Variants in PDZD2 observed in about 807,000 individuals in gnomAD.
The protein encoded by PDZD2 is PDZ domain-containing protein 2.
A neutral mutation model predicts 220.7 loss-of-function variants in PDZD2; 90 were observed. The ratio of observed to expected loss-of-function variants is 0.41; its 90% confidence interval spans 0.34 to 0.49. The LOEUF (loss-of-function observed/expected upper bound fraction) is 0.49, where lower values mean the gene tolerates loss of function less well. PDZD2 is among the 20% of genes least tolerant of loss of function. PDZD2 has a pLI of 0.28. For missense variants in PDZD2, 3,174 were observed against 3,608.5 expected, an observed-to-expected ratio of 0.88 and a Z score of 3.08; for synonymous variants, 1,375 against 1,450.5, an observed-to-expected ratio of 0.95 and a Z score of 1.18.
At chr5:31,686,366 C>CT (rs544635682) in intron 1 of PDZD2, among the ~76,000 whole-genome samples, 19 of 149,074 alleles carry the variant, frequency 1.3e-4, no homozygotes, top group East Asian at 7.9e-4. Context: ...AAAAAGTTTT[C>CT]TTTTTTTTTT....
chr5:31,932,750 A>G (rs1266644808), intron 2 of PDZD2, among the ~76,000 whole-genome samples: 3 of 152,090 alleles, frequency 2.0e-5, no homozygotes, highest in African/African-American at 7.2e-5. Context: ...TGGATCCATT[A>G]AGCAGTAACT....
chr5:31,864,806 G>A (rs1019854779), intron 2 of PDZD2, among the ~76,000 whole-genome samples: 7 of 145,046 alleles, frequency 4.8e-5, no homozygotes, highest in Middle Eastern at 4.3e-3. Context: ...GAGCCACAGT[G>A]CCCAGTCGAA....
In PDZD2 at chr5:32,088,252, T is replaced by C; in HGVS notation, c.4804T>C (p.Cys1602Arg). Residue 1602 changes from cysteine (C) to arginine (R), a missense_variant, in exon 20 of 25, where the codon TGT becomes CGT. Coordinates refer to ENST00000438447, the MANE Select transcript of PDZD2 (RefSeq NM_178140.4). This position sits in a 1 kb window ranked among gnomAD's most constrained non-coding sequence, Gnocchi z 4.6. ...GTCAGAAGAGGAACAGATTGAGATT[T>C]GTTCCACACGTGGCTGCCCCAATCC... is the stretch of plus-strand genomic sequence containing the variant. Reference protein sequence around the residue: ...SESEEEQIEICSTRGCPNPPS... With the variant: ...SESEEEQIEIRSTRGCPNPPS... 1 of 1,614,158 alleles carries C rather than the reference T, an allele frequency of 6.2e-7. No homozygotes were observed. The highest frequency in any genetic ancestry group is 1.1e-5 in the South Asian group (1 of 91,080).
At chr5:31,803,717 C>T (rs951052448) in intron 2 of PDZD2, among the ~76,000 whole-genome samples, 8 of 151,922 alleles carry the variant, frequency 5.3e-5, no homozygotes, top group African/African-American at 1.7e-4. Context: ...TGTCGATGTT[C>T]AAGACTCCAA....
chr5:31,995,341 C>T (rs111868485), intron 3 of PDZD2, among the ~76,000 whole-genome samples: 2,940 of 152,324 alleles, frequency 0.019, 96 homozygotes, highest in African/African-American at 0.066. Flanking sequence ...TGGCTGGTGG[C>T]TCCGTCTTGG....
chr5:31,665,320 G>A (rs79993971), intron 1 of PDZD2, among the ~76,000 whole-genome samples: 274 of 152,230 alleles, frequency 1.8e-3, no homozygotes, highest in African/African-American at 6.5e-3. Flanking sequence ...TGCCCTTCCT[G>A]TGGCTAGTGC....
At chr5:31,850,034 ACACG>A (rs1757910073) in intron 2 of PDZD2, among the ~76,000 whole-genome samples, 1 of 124,694 alleles carries the variant, frequency 8.0e-6, no homozygotes, top group Non-Finnish European at 1.7e-5. Flanking sequence ...ACTCATATAT[ACACG>A]TATATATATA....
intron 2 of PDZD2, among the ~76,000 whole-genome samples, chr5:31,975,541 G>A (rs1310966612): frequency 6.6e-6 from 1 of 152,084 alleles, no homozygotes; most frequent in Non-Finnish European, 1.5e-5. Flanking sequence ...GAGGGAGGCG[G>A]TGCTCAGCCC....
intron 10 of PDZD2, among the ~76,000 whole-genome samples, chr5:32,054,338 T>TTTTTA (rs1554034160): frequency 1.7e-4 from 21 of 125,754 alleles, no homozygotes; most frequent in Non-Finnish European, 3.0e-4. Flanking sequence ...TTTTTTTTTT[T>TTTTTA]AATGAGACAG....
intron 1 of PDZD2, among the ~76,000 whole-genome samples, chr5:31,713,758 G>C (rs1392473124): frequency 6.6e-6 from 1 of 152,152 alleles, no homozygotes; most frequent in East Asian, 1.9e-4. Context: ...TGTTGGCTAG[G>C]CTGGTCTCAA....
chr5:31,856,668 A>T (rs1331401527), intron 2 of PDZD2, among the ~76,000 whole-genome samples: 1 of 152,066 alleles, frequency 6.6e-6, no homozygotes, highest in Non-Finnish European at 1.5e-5. Flanking sequence ...TGTTCCTGCT[A>T]ATCTCTGTCA....
chr5:31,795,344 A>G (rs566751019), intron 1 of PDZD2, among the ~76,000 whole-genome samples: 22 of 152,362 alleles, frequency 1.4e-4, no homozygotes, highest in Admixed American at 1.3e-3. Context: ...TTTTAACACC[A>G]TATCAGTAAA....
chr5:31,966,639 C>T (rs1030556789), intron 2 of PDZD2, among the ~76,000 whole-genome samples: 12 of 152,156 alleles, frequency 7.9e-5, no homozygotes, highest in Non-Finnish European at 1.5e-4. Context: ...ATGGCTTATC[C>T]GTTTTTCTAG....
At chr5:32,054,544 C>T (rs1389006057) in intron 10 of PDZD2, among the ~76,000 whole-genome samples, 2 of 151,818 alleles carry the variant, frequency 1.3e-5, no homozygotes, top group Non-Finnish European at 2.9e-5. Context: ...AGGCTGGTCT[C>T]AAACACCTGG....
intron 2 of PDZD2, among the ~76,000 whole-genome samples, chr5:31,821,846 A>G (rs1270306387): frequency 6.8e-6 from 1 of 147,118 alleles, no homozygotes; most frequent in African/African-American, 2.5e-5. Context: ...CCCTCCCCTT[A>G]CCCCCATCCC....
chr5:31,869,426 G>A (rs550924318), intron 2 of PDZD2, among the ~76,000 whole-genome samples: 47 of 152,238 alleles, frequency 3.1e-4, no homozygotes, highest in Middle Eastern at 3.4e-3. Context: ...AGCCGGGCGT[G>A]GTGGCGGGCG....
chr5:32,099,876 C>G (rs1393516077), intron 23 of PDZD2: 1 of 152,306 alleles, frequency 6.6e-6, no homozygotes, highest in Non-Finnish European at 1.5e-5. Context: ...GTTTCCTGTT[C>G]TTCAGTCTCC....
At chr5:31,938,238 A>G (rs1049815470) in intron 2 of PDZD2, among the ~76,000 whole-genome samples, 1 of 152,148 alleles carries the variant, frequency 6.6e-6, no homozygotes, top group African/African-American at 2.4e-5. Context: ...TGATTTTTTA[A>G]TATCATTGGT....
intron 20 of PDZD2, among the ~76,000 whole-genome samples, chr5:32,091,457 GTATTTT>G (rs1316744660): frequency 6.6e-6 from 1 of 151,600 alleles, no homozygotes; most frequent in East Asian, 1.9e-4. Flanking sequence ...GCTAATTTTT[GTATTTT>G]TAATAGAGAC....
Sources: allele counts gnomAD v4.1 joint callset (sites outside exome capture counted in the v4.1 genomes callset), GRCh38; gene constraint gnomAD v4.1.1; non-coding constraint Gnocchi (gnomAD v3.1); transcripts MANE v1.5; gene names NCBI Gene and HGNC (gene_info 2026-07-23, HGNC 2026-07-21).